Variants in PLCB1 observed in about 807,000 individuals in gnomAD.
The protein encoded by PLCB1 is 1-phosphatidylinositol 4,5-bisphosphate phosphodiesterase beta-1.
Under a neutral mutation model 161.8 loss-of-function variants are expected in PLCB1, and 46 were observed. The observed-to-expected ratio is 0.28, with a 90% CI of 0.22 to 0.36. The LOEUF (loss-of-function observed/expected upper bound fraction) is 0.36, where lower values mean the gene tolerates loss of function less well. Among genes scored for constraint, PLCB1 ranks in the 10% least tolerant of loss-of-function variants. The pLI is 1.00. For synonymous variants in PLCB1, 517 were observed against 503.7 expected (o/e 1.03, Z -0.35); for missense variants, 1,016 against 1,472.5 (o/e 0.69, Z 5.07).
At chr20:8,688,607 TC>T (rs1439177346) in intron 10 of PLCB1, among the ~76,000 whole-genome samples, 1 of 152,154 alleles carries the variant, frequency 6.6e-6, no homozygotes, top group Non-Finnish European at 1.5e-5. Context: ...AGGGTGTTTT[TC>T]CCCCACTTTA....
chr20:8,722,464 C>A (rs1406031810), intron 15 of PLCB1, 43 bp downstream of exon 15: 2 of 1,408,562 alleles, frequency 1.4e-6, no homozygotes, highest in Non-Finnish European at 2.0e-6. Flanking sequence ...TTCCACCACC[C>A]TGTACTCTCC....
At chr20:8,659,734 G>A (rs961498678) in intron 9 of PLCB1, among the ~76,000 whole-genome samples, 1 of 152,110 alleles carries the variant, frequency 6.6e-6, no homozygotes, top group Non-Finnish European at 1.5e-5. Flanking sequence ...GCTCACGTCT[G>A]TAATCCCAAC....
intron 3 of PLCB1, among the ~76,000 whole-genome samples, chr20:8,444,926 T>A (rs75993160): frequency 6.6e-6 from 1 of 152,086 alleles, no homozygotes; most frequent in Non-Finnish European, 1.5e-5. Context: ...GTTTGAGTTC[T>A]TTGTAGATTC....
intron 2 of PLCB1, among the ~76,000 whole-genome samples, chr20:8,162,906 A>G (rs1012557020): frequency 1.3e-5 from 2 of 152,268 alleles, no homozygotes; most frequent in African/African-American, 4.8e-5. Context: ...ATATTGAGAC[A>G]TTAACATATC....
chr20:8,357,663 A>G (rs1450268061), intron 2 of PLCB1, among the ~76,000 whole-genome samples: 2 of 151,900 alleles, frequency 1.3e-5, no homozygotes, highest in African/African-American at 4.8e-5. Context: ...CAAAATAAAA[A>G]AGGAAAAAAA....
chr20:8,427,629 C>T lies in PLCB1; in HGVS notation c.246+56179C>T, dbSNP rs145118216. ...GATAAGAGGAAACCCTCAAATCCAT[C>T]TCCCTGAAGGAGTTCTGGGCTGGGA... On this transcript the variant is annotated intron_variant, in intron 3 of 31. Coordinates refer to ENST00000338037, the MANE Select transcript of PLCB1 (RefSeq NM_015192.4). Among the ~76,000 whole-genome samples the T allele has an allele frequency of 2.0e-5, 3 of 152,288 alleles. No individual in the cohort carries two copies. The East Asian group carries it at 5.8e-4, about 29-fold the overall frequency.
chr20:8,510,276 A>G (rs2122846489), intron 3 of PLCB1, among the ~76,000 whole-genome samples: 1 of 152,228 alleles, frequency 6.6e-6, no homozygotes, highest in South Asian at 2.1e-4. Flanking sequence ...GCTTGCTTTC[A>G]CTTTTGAAAT....
At chr20:8,331,093 G>T (rs931331713) in intron 2 of PLCB1, among the ~76,000 whole-genome samples, 2 of 152,168 alleles carry the variant, frequency 1.3e-5, no homozygotes, top group African/African-American at 4.8e-5. Flanking sequence ...CTGTGTAAAG[G>T]TATTTATGTT....
At chr20:8,539,076 T>C (rs1194222889) in intron 3 of PLCB1, among the ~76,000 whole-genome samples, 2 of 152,184 alleles carry the variant, frequency 1.3e-5, no homozygotes, top group African/African-American at 4.8e-5. Flanking sequence ...CATGAGCCAC[T>C]GTGCCTGGCC....
intron 2 of PLCB1, among the ~76,000 whole-genome samples, chr20:8,272,084 C>T (rs1277775673): frequency 6.6e-6 from 1 of 151,924 alleles, no homozygotes; most frequent in East Asian, 1.9e-4. Flanking sequence ...CCTTCAAAGA[C>T]CTTGATCAAG....
In PLCB1 at chr20:8,386,877, G is replaced by C. The variant is rs1177940443; in HGVS notation, c.246+15427G>C. On this transcript the variant is annotated intron_variant, in intron 3 of 31. Transcript: ENST00000338037. ...CTTGCACTTGTATGTTATGGAGAAGGCTTCTTTCTTTAAACCTCATGAACC... is the reference window on the plus strand; with the variant it reads ...CTTGCACTTGTATGTTATGGAGAAGCCTTCTTTCTTTAAACCTCATGAACC... 2.0e-5 allele frequency among the ~76,000 whole-genome samples: 3 copies of C among 152,172 alleles called. No individual in the cohort carries two copies. In the East Asian group the frequency reaches 5.8e-4, roughly 29 times the overall value.
chr20:8,141,712 T>A (rs540684848), intron 1 of PLCB1, among the ~76,000 whole-genome samples: 3 of 152,118 alleles, frequency 2.0e-5, no homozygotes, highest in African/African-American at 4.8e-5. Flanking sequence ...GAAACATGCA[T>A]GTGGAAAGAC....
intron 2 of PLCB1, among the ~76,000 whole-genome samples, chr20:8,252,125 A>G (rs937770443): frequency 1.3e-5 from 2 of 151,904 alleles, no homozygotes; most frequent in Admixed American, 1.3e-4. Flanking sequence ...TAGACTGGAT[A>G]GAAAGGAAAG....
At chr20:8,606,587 CA>C (rs1430155657) in intron 3 of PLCB1, among the ~76,000 whole-genome samples, 2 of 152,282 alleles carry the variant, frequency 1.3e-5, no homozygotes, top group Admixed American at 1.3e-4. Context: ...CTACCCAACT[CA>C]ATATGCTAGT....
chr20:8,469,261 T>C (rs765643521), intron 3 of PLCB1, among the ~76,000 whole-genome samples: 2 of 152,156 alleles, frequency 1.3e-5, no homozygotes, highest in East Asian at 1.9e-4. Flanking sequence ...AGTTTCATAG[T>C]AGAAGAGAAC....
chr20:8,455,466 A>T (rs1600413334), intron 3 of PLCB1, among the ~76,000 whole-genome samples: 1 of 96,874 alleles, frequency 1.0e-5, no homozygotes, highest in East Asian at 3.5e-4. Context: ...TTGGAGACGG[A>T]GTCTCGCTCT....
intron 24 of PLCB1, among the ~76,000 whole-genome samples, chr20:8,757,777 A>C (rs969298234): frequency 7.2e-5 from 11 of 152,118 alleles, no homozygotes; most frequent in Non-Finnish European, 1.6e-4. Context: ...GGCCTGATGC[A>C]GTTCCCAATG....
At chr20:8,516,574 A>G (rs73894573) in intron 3 of PLCB1, among the ~76,000 whole-genome samples, 13,628 of 150,950 alleles carry the variant, frequency 0.09, 670 homozygotes, top group Middle Eastern at 0.11. Flanking sequence ...ATAACATGCT[A>G]AATAGCCACA....
At chr20:8,266,012 A>G (rs1237183317) in intron 2 of PLCB1, among the ~76,000 whole-genome samples, 2 of 152,098 alleles carry the variant, frequency 1.3e-5, no homozygotes, top group African/African-American at 4.8e-5. Flanking sequence ...CCCTTACTTT[A>G]TTTAGTCAAA....
Sources: allele counts gnomAD v4.1 joint callset (sites outside exome capture counted in the v4.1 genomes callset), GRCh38; gene constraint gnomAD v4.1.1; transcripts MANE v1.5; gene names NCBI Gene and HGNC (gene_info 2026-07-23, HGNC 2026-07-21).